TRPM3: variants seen among roughly 807,000 people sequenced by gnomAD.
The protein encoded by TRPM3 is long transient receptor potential channel 3.
TRPM3 carries 77 observed loss-of-function variants against 181.2 expected under a neutral mutation model. The ratio of observed to expected loss-of-function variants is 0.42; its 90% CI spans 0.35 to 0.51. The LOEUF (loss-of-function observed/expected upper bound fraction) is 0.51, where lower values mean the gene tolerates loss of function less well. Among genes scored for constraint, TRPM3 ranks in the 20% least tolerant of loss-of-function variants. The pLI is 0.01. For missense variants in TRPM3, 1,759 were observed against 2,196.7 expected, an observed-to-expected ratio of 0.80 and a Z score of 3.98; for synonymous variants, 745 against 796.4, an observed-to-expected ratio of 0.94 and a Z score of 1.09.
At chr9:70,670,416 CA>C (rs780561954) in intron 9 of TRPM3, among the ~76,000 whole-genome samples, 1 of 152,108 alleles carries the variant, frequency 6.6e-6, no homozygotes, top group Non-Finnish European at 1.5e-5. Flanking sequence ...TAGAGACAAA[CA>C]AATATGTCTA....
At chr9:71,252,973 C>T (rs1159211767) in intron 1 of TRPM3, among the ~76,000 whole-genome samples, 2 of 151,732 alleles carry the variant, frequency 1.3e-5, no homozygotes, top group Non-Finnish European at 2.9e-5. Context: ...AGGCATGAGC[C>T]ACCAAGCATG....
rs2133011422 is a variant in TRPM3 at position 70,610,768 on chromosome 9, GATACC to G, written c.2527-24_2527-20del. ...ACATTGCCTATGTTGGAAGAGAATC[GATACC>G]ATCATGACAGGGCTCTGGAGAGCAT... On this transcript the variant is annotated intron_variant, in intron 18 of 25. Transcript: ENST00000677713. 1 of 1,613,672 alleles carries G rather than the reference GATACC, an allele frequency of 6.2e-7. No individual in the cohort carries two copies. The highest frequency in any genetic ancestry group is 8.5e-7 in the Non-Finnish European group (1 of 1,179,802).
chr9:71,307,797 C>G (rs978901437), intron 1 of TRPM3, among the ~76,000 whole-genome samples: 2 of 152,084 alleles, frequency 1.3e-5, no homozygotes, highest in African/African-American at 4.8e-5. Context: ...AATCTCTTTG[C>G]AGATTACTTT....
chr9:71,159,401 G>T (rs1281701326), intron 1 of TRPM3, among the ~76,000 whole-genome samples: 1 of 151,906 alleles, frequency 6.6e-6, no homozygotes, highest in Non-Finnish European at 1.5e-5. Context: ...GAAAAATAAG[G>T]CTCGGCTACT....
intron 1 of TRPM3, among the ~76,000 whole-genome samples, chr9:71,143,418 T>C (rs1053084604): frequency 1.3e-5 from 2 of 152,140 alleles, no homozygotes; most frequent in Admixed American, 6.5e-5. Flanking sequence ...TAGCTCCCAC[T>C]TACAAGTGGG....
Position 71,010,936 on chromosome 9 carries a change from C to T in TRPM3, c.177+110242G>A, listed in dbSNP as rs922305203. Among the ~76,000 whole-genome samples the T allele has an allele frequency of 9.4e-4, 65 of 68,988 alleles. 2 individuals are homozygous for T. Among genetic ancestry groups the T allele is most frequent in the South Asian group, 6.6e-3 (13 of 1,970 alleles). 45.3% of individuals were successfully genotyped at this position (68,988 alleles called of 152,430 possible). On this transcript the variant is annotated intron_variant, in intron 1 of 25. Coordinates refer to ENST00000677713, the MANE Select transcript of TRPM3 (RefSeq NM_001366145.2). ...TGACACACACACACACACACATACACACACACACACACACACACACACACA... is the reference window on the plus strand; with the variant it reads ...TGACACACACACACACACACATACATACACACACACACACACACACACACA...
chr9:71,066,766 T>G (rs536167461), intron 1 of TRPM3, among the ~76,000 whole-genome samples: 2 of 152,350 alleles, frequency 1.3e-5, no homozygotes, highest in South Asian at 4.1e-4. Flanking sequence ...AGTTTATTCT[T>G]CAGACCACCT....
chr9:71,411,105 AAAT>A, intron 1 of TRPM3, among the ~76,000 whole-genome samples: 1 of 152,310 alleles, frequency 6.6e-6, no homozygotes, highest in East Asian at 1.9e-4. Context: ...ACGTATTTCA[AAAT>A]AATAAGAGCT....
chr9:71,280,530 A>G (rs2084627282), intron 1 of TRPM3, among the ~76,000 whole-genome samples: 1 of 152,178 alleles, frequency 6.6e-6, no homozygotes, highest in South Asian at 2.1e-4. Context: ...AAAGAAAAGA[A>G]AAGAAAAGAA....
chr9:71,137,572 C>G (rs1201901627), intron 1 of TRPM3, among the ~76,000 whole-genome samples: 1 of 152,106 alleles, frequency 6.6e-6, no homozygotes, highest in Non-Finnish European at 1.5e-5. Flanking sequence ...TTATCTTAAT[C>G]TTTTTCCTGG....
intron 1 of TRPM3, among the ~76,000 whole-genome samples, chr9:71,053,874 C>T (rs1001156187): frequency 3.9e-5 from 6 of 152,022 alleles, no homozygotes; most frequent in Non-Finnish European, 5.9e-5. Flanking sequence ...AAAACAGGGT[C>T]GGGATCCTTC....
At chr9:71,187,137 T>C (rs887146553) in intron 1 of TRPM3, among the ~76,000 whole-genome samples, 1 of 152,036 alleles carries the variant, frequency 6.6e-6, no homozygotes, top group Non-Finnish European at 1.5e-5. Context: ...AGCCTTTGAA[T>C]ATCTTTTTAA....
chr9:70,564,948 A>G (rs549931963), intron 22 of TRPM3, among the ~76,000 whole-genome samples: 1 of 152,304 alleles, frequency 6.6e-6, no homozygotes, highest in East Asian at 1.9e-4. Context: ...AATCTCTCTG[A>G]TCTGCAGGCA....
chr9:71,137,145 A>G (rs2074816958), intron 1 of TRPM3, among the ~76,000 whole-genome samples: 2 of 152,224 alleles, frequency 1.3e-5, no homozygotes, highest in Non-Finnish European at 2.9e-5. Context: ...GGTGTGCTTA[A>G]TAATGCAAAA....
intron 7 of TRPM3, among the ~76,000 whole-genome samples, chr9:70,765,897 C>G (rs1383079808): frequency 6.6e-6 from 1 of 152,082 alleles, no homozygotes; most frequent in Non-Finnish European, 1.5e-5. Context: ...TTTTATGGCA[C>G]TAGAATATTG....
At chr9:70,975,553 G>A (rs1332714263) in intron 1 of TRPM3, among the ~76,000 whole-genome samples, 1 of 152,168 alleles carries the variant, frequency 6.6e-6, no homozygotes, top group Non-Finnish European at 1.5e-5. Context: ...TTCTTAATTA[G>A]TTGCAATGGA....
chr9:70,617,784 A>G (rs983781969), intron 17 of TRPM3, among the ~76,000 whole-genome samples: 26 of 152,076 alleles, frequency 1.7e-4, no homozygotes, highest in African/African-American at 5.3e-4. Context: ...GACCAACATG[A>G]TGAAACCCCG....
intron 7 of TRPM3, among the ~76,000 whole-genome samples, chr9:70,770,804 G>A (rs1302132081): frequency 6.6e-6 from 1 of 152,196 alleles, no homozygotes; most frequent in Non-Finnish European, 1.5e-5. Flanking sequence ...ATTGGCAGTT[G>A]TTATTATTAA....
At chr9:71,232,049 AT>A (rs1237053218) in intron 1 of TRPM3, among the ~76,000 whole-genome samples, 2 of 152,240 alleles carry the variant, frequency 1.3e-5, no homozygotes, top group Admixed American at 6.5e-5. Context: ...CTTCCAAAAC[AT>A]TAAAGATGCC....
Sources: allele counts gnomAD v4.1 joint callset (sites outside exome capture counted in the v4.1 genomes callset), GRCh38; gene constraint gnomAD v4.1.1; transcripts MANE v1.5; gene names NCBI Gene and HGNC (gene_info 2026-07-23, HGNC 2026-07-21).